Variants in HTR1F observed in about 807,000 individuals in gnomAD.
HTR1F encodes the protein 5-hydroxytryptamine receptor 1F.
A neutral mutation model predicts 24.0 loss-of-function variants in HTR1F; 17 were observed. The observed-to-expected ratio is 0.71, with a 90% CI of 0.48 to 1.06. HTR1F has a LOEUF of 1.06. Ranked by LOEUF, HTR1F falls within the 50% of genes least tolerant of loss-of-function variation. HTR1F has a pLI of 0.00. For missense variants in HTR1F, 391 were observed against 427.8 expected (o/e 0.91, Z 0.76); for synonymous variants, 186 against 156.8 (o/e 1.19, Z -1.39).
At chr3:87,879,401 G>A (rs377192996) in intron 2 of HTR1F, among the ~76,000 whole-genome samples, 22 of 151,964 alleles carry the variant, frequency 1.4e-4, no homozygotes, top group African/African-American at 5.3e-4. Flanking sequence ...TTACTTACAG[G>A]TTATTAACCC....
At chr3:87,882,230 G>A (rs2107283203) in intron 2 of HTR1F, among the ~76,000 whole-genome samples, 1 of 152,282 alleles carries the variant, frequency 6.6e-6, no homozygotes, top group South Asian at 2.1e-4. Context: ...GAGAGGATGT[G>A]GAGAAATAGG....
intron 2 of HTR1F, among the ~76,000 whole-genome samples, chr3:87,841,825 T>G (rs561755629): frequency 7.2e-6 from 1 of 139,754 alleles, no homozygotes; most frequent in South Asian, 2.2e-4. Context: ...GCTTGAACCC[T>G]GGAGGCAGAG....
At chr3:87,885,796 G>C (rs1408402632) in intron 2 of HTR1F, among the ~76,000 whole-genome samples, 2 of 152,136 alleles carry the variant, frequency 1.3e-5, no homozygotes, top group Non-Finnish European at 2.9e-5. Flanking sequence ...CCAGGAAGAA[G>C]TTGAATCTCT....
intron 1 of HTR1F, among the ~76,000 whole-genome samples, chr3:87,807,562 C>T (rs1245238681): frequency 6.6e-6 from 1 of 151,854 alleles, no homozygotes; most frequent in Non-Finnish European, 1.5e-5. Flanking sequence ...ATCATATCGT[C>T]AGCAAACAGG....
chr3:87,931,413 G>A (rs538402598), intron 2 of HTR1F, among the ~76,000 whole-genome samples: 1 of 152,300 alleles, frequency 6.6e-6, no homozygotes, highest in South Asian at 2.1e-4. Flanking sequence ...ATTCCATGGT[G>A]TATATGTGCC....
chr3:87,885,285 G>T (rs1188944689), intron 2 of HTR1F, among the ~76,000 whole-genome samples: 1 of 152,082 alleles, frequency 6.6e-6, no homozygotes, highest in African/African-American at 2.4e-5. Context: ...GATGTTCTTT[G>T]AAATCAATGA....
intron 2 of HTR1F, among the ~76,000 whole-genome samples, chr3:87,987,055 A>C (rs546070974): frequency 1.4e-4 from 21 of 152,174 alleles, no homozygotes; most frequent in African/African-American, 4.1e-4. Flanking sequence ...TCAGTGAGCC[A>C]AGATCATGCC....
chr3:87,859,198 C>CA (rs544124743), intron 2 of HTR1F, among the ~76,000 whole-genome samples: 361 of 152,110 alleles, frequency 2.4e-3, no homozygotes, highest in Admixed American at 3.7e-3. Flanking sequence ...AACTCTGTGT[C>CA]AAAAAAGGAA....
At chr3:87,888,681 ATC>A (rs1706012780) in intron 2 of HTR1F, among the ~76,000 whole-genome samples, 1 of 152,180 alleles carries the variant, frequency 6.6e-6, no homozygotes, top group Non-Finnish European at 1.5e-5. Flanking sequence ...AAGCTCTGCA[ATC>A]TCTTTCTTCT....
intron 1 of HTR1F, among the ~76,000 whole-genome samples, chr3:87,803,368 C>A (rs28690491): frequency 0.13 from 19,764 of 152,104 alleles, 4,034 homozygotes; most frequent in African/African-American, 0.44. Flanking sequence ...TACATATATT[C>A]TCCCAGATTT....
chr3:87,922,494 G>C (rs1324410990), intron 2 of HTR1F, among the ~76,000 whole-genome samples: 1 of 151,794 alleles, frequency 6.6e-6, no homozygotes, highest in African/African-American at 2.4e-5. Context: ...TGTTACCTTT[G>C]CTGTGCAGAT....
intron 2 of HTR1F, among the ~76,000 whole-genome samples, chr3:87,855,771 T>C (rs532928831): frequency 1.3e-5 from 2 of 152,194 alleles, no homozygotes; most frequent in South Asian, 4.1e-4. Flanking sequence ...AAAATCTCTC[T>C]CCATTCTGCT....
intron 2 of HTR1F, among the ~76,000 whole-genome samples, chr3:87,869,188 T>G (rs1217195006): frequency 1.3e-5 from 2 of 152,018 alleles, no homozygotes; most frequent in African/African-American, 4.8e-5. Flanking sequence ...ATAATGCCAA[T>G]AGACTACTGA....
intron 2 of HTR1F, among the ~76,000 whole-genome samples, chr3:87,841,469 A>G (rs930277880): frequency 6.6e-6 from 1 of 151,828 alleles, no homozygotes; most frequent in African/African-American, 2.4e-5. Flanking sequence ...TTCTCCCACT[A>G]ATTGTATTAA....
At chr3:87,947,956 T>G (rs1704748067) in intron 2 of HTR1F, among the ~76,000 whole-genome samples, 2 of 152,178 alleles carry the variant, frequency 1.3e-5, no homozygotes, top group East Asian at 3.8e-4. Context: ...GCTGAAATTT[T>G]CTGCTATTTT....
chr3:87,857,384 A>G (rs372710093), intron 2 of HTR1F, among the ~76,000 whole-genome samples: 1 of 152,130 alleles, frequency 6.6e-6, no homozygotes, highest in Non-Finnish European at 1.5e-5. Flanking sequence ...AGATGTTTTT[A>G]AAATTAATAT....
chr3:87,931,438 C>T (rs1004526590), intron 2 of HTR1F, among the ~76,000 whole-genome samples: 1 of 152,064 alleles, frequency 6.6e-6, no homozygotes, highest in Non-Finnish European at 1.5e-5. Context: ...TTTCTTAATC[C>T]AGTCTATCAT....
intron 2 of HTR1F, among the ~76,000 whole-genome samples, chr3:87,951,275 G>A (rs1704827270): frequency 6.6e-6 from 1 of 152,096 alleles, no homozygotes; most frequent in African/African-American, 2.4e-5. Flanking sequence ...TTACCACGAA[G>A]AACAATAGTT....
At chr3:87,805,243 C>A (rs1390076748) in intron 1 of HTR1F, among the ~76,000 whole-genome samples, 2 of 151,558 alleles carry the variant, frequency 1.3e-5, no homozygotes, top group African/African-American at 4.8e-5. Flanking sequence ...TTTCTTTATT[C>A]CCACCTATTT....
Sources: gnomAD v4.1 joint callset for allele counts (sites outside exome capture counted in the v4.1 genomes callset) on GRCh38, gnomAD v4.1.1 for gene constraint, MANE v1.5 for transcripts, NCBI Gene and HGNC (gene_info 2026-07-23, HGNC 2026-07-21) for gene names.